GIT2: variants seen among roughly 807,000 people sequenced by gnomAD.
GIT2 encodes GIT ArfGAP 2, also known as ARF GTPase-activating protein GIT2.
A neutral mutation model predicts 100.3 loss-of-function variants in GIT2; 32 were observed. The observed-to-expected ratio is 0.32, with a 90% CI of 0.24 to 0.43. The LOEUF (loss-of-function observed/expected upper bound fraction) is 0.43, where lower values mean the gene tolerates loss of function less well. GIT2 is among the 20% of genes least tolerant of loss of function. The pLI is 1.00. For synonymous variants in GIT2, 353 were observed against 364.1 expected (o/e 0.97, Z 0.35); for missense variants, 737 against 975.1 (o/e 0.76, Z 3.25).
chr12:109,947,334 A>T lies in GIT2; in HGVS notation c.1563T>A (p.Gly521=). The T allele has an allele frequency of 6.2e-7, 1 of 1,614,052 alleles. No homozygotes were observed. The highest frequency in any genetic ancestry group is 1.1e-5 in the South Asian group (1 of 91,076). The change falls in exon 15 of 20, where the codon GGT becomes GGA. Residue 521 remains glycine, a synonymous_variant. Coordinates refer to ENST00000355312, the MANE Select transcript of GIT2 (RefSeq NM_057169.5). The surrounding 1 kb of genome is among the most constrained non-coding windows in gnomAD (Gnocchi z 4.3). The stretch of plus-strand genomic sequence containing the variant: ...CTCCCATTGGGAGATATGGTTTCTG[A>T]CCTGATCCGGTCTCGTACATGGACA... ...RPMSMYETGS[G]QKPYLPMGEA...
At chr12:109,999,815 G>T, upstream of GIT2, 1 of 1,504,712 alleles carries the variant, frequency 6.6e-7, no homozygotes, top group South Asian at 1.2e-5. This position sits in a 1 kb window ranked among gnomAD's most constrained non-coding sequence, Gnocchi z 4.3. Flanking sequence ...CCGTCTCCCG[G>T]TGGGGACTTC....
chr12:109,956,158 C>G (rs930813818), intron 12 of GIT2, among the ~76,000 whole-genome samples: 2 of 152,140 alleles, frequency 1.3e-5, no homozygotes, highest in African/African-American at 2.4e-5. Flanking sequence ...TCTCGAACTC[C>G]TGACCTCGTG....
chr12:109,996,332 C>T lies in GIT2; in HGVS notation c.-108G>A, dbSNP rs1889423487. On this transcript the variant is annotated 5_prime_UTR_variant, in exon 1 of 20. Transcript: ENST00000355312. ...GTCCCAGCTGCGGCGGCGCTGACGGCGGCGCCTCTCCCCTCAGCGCCTTGC... is the reference window on the plus strand; with the variant it reads ...GTCCCAGCTGCGGCGGCGCTGACGGTGGCGCCTCTCCCCTCAGCGCCTTGC... 4.1e-6 allele frequency: 3 copies of T among 731,980 alleles called. No homozygotes were observed. Among genetic ancestry groups the T allele is most frequent in the Admixed American group, 3.1e-5 (1 of 32,038 alleles). 45.3% of individuals were successfully genotyped at this position (731,980 alleles called of 1,614,324 possible).
intron 1 of GIT2, among the ~76,000 whole-genome samples, chr12:109,993,950 A>G (rs1451683345): frequency 1.3e-5 from 2 of 152,134 alleles, no homozygotes; most frequent in African/African-American, 4.8e-5. Flanking sequence ...AATTCAATTT[A>G]GTATAACTCT....
chr12:109,958,901 A>C (rs1173908295), intron 12 of GIT2, among the ~76,000 whole-genome samples: 1 of 152,230 alleles, frequency 6.6e-6, no homozygotes, highest in Non-Finnish European at 1.5e-5. Flanking sequence ...TCAACAGGGC[A>C]CTGGTGAAAC....
In GIT2 at chr12:109,938,424, G is replaced by A. The variant is rs1873653077; in HGVS notation, c.1959C>T (p.Asn653=). Residue 653 remains asparagine (N), a synonymous_variant, in exon 18 of 20, where the codon AAC becomes AAT. Transcript: ENST00000355312. The part of the protein sequence containing the change: ...VIRKTEQITK[N]IQELLRAAQE... ...GGGCTGCTCTTAAGAGCTCCTGTAT[G>A]TTTTTGGTGATCTGTTCAGTCTTCC... 4 of 1,613,894 alleles carry A rather than the reference G, an allele frequency of 2.5e-6. No individual in the cohort carries two copies. The highest frequency in any genetic ancestry group is 3.4e-6 in the Non-Finnish European group (4 of 1,179,950).
At position 109,938,496 on chromosome 12, in the gene GIT2, G is replaced by C; in HGVS notation, c.1887C>G (p.Pro629=). ...GGAGAGTGGGGCTTGGGGCCACATG[G>C]GGTTCTGCTGTGTCTGGTACCAAGC... ...GDGLVPDTAE[P]HVAPSPTLPS... is the part of the protein sequence containing the mutation. Residue 629 remains proline (P), a synonymous_variant, in exon 18 of 20, where the codon CCC becomes CCG. Coordinates refer to ENST00000355312, the MANE Select transcript of GIT2 (RefSeq NM_057169.5). 1 of 1,613,698 alleles carries C rather than the reference G, an allele frequency of 6.2e-7. No individual in the cohort carries two copies. Among genetic ancestry groups the C allele is most frequent in the Non-Finnish European group, 8.5e-7 (1 of 1,179,672 alleles).
chr12:109,961,423 CACTGCTCCTGGGAG>C (rs1881038576), intron 10 of GIT2, 48 bp from the exon 11 acceptor site: 1 of 1,223,532 alleles, frequency 8.2e-7, no homozygotes. Flanking sequence ...GCCTGTGTGC[CACTGCTCCTGGGAG>C]GCACAGCTCA....
intron 13 of GIT2, chr12:109,952,540 C>A (rs1192973454): frequency 1.9e-6 from 1 of 518,962 alleles, no homozygotes; most frequent in Non-Finnish European, 3.8e-6. Flanking sequence ...GAGTCCCAAC[C>A]TTTTTAGGCT....
chr12:109,997,929 A>G (rs1400047069), upstream of GIT2: 1 of 152,222 alleles, frequency 6.6e-6, no homozygotes, highest in Admixed American at 6.5e-5. Context: ...TCTGTCTTAC[A>G]TATAAACACA....
upstream of GIT2, chr12:109,999,442 G>A (rs1438352981): frequency 1.4e-5 from 3 of 222,180 alleles, no homozygotes; most frequent in East Asian, 3.0e-4. The surrounding 1 kb of genome is among the most constrained non-coding windows in gnomAD (Gnocchi z 4.3). Context: ...AAGTCTGTCC[G>A]CGAGCTGTCA....
chr12:109,961,170 T>C, intron 11 of GIT2, 108 bp downstream of exon 11: 1 of 668,764 alleles, frequency 1.5e-6, no homozygotes, highest in Non-Finnish European at 2.7e-6. Context: ...GTATAAAGGA[T>C]ATTAAATTTT....
intron 16 of GIT2, chr12:109,940,312 C>A (rs1414545145): frequency 2.6e-5 from 4 of 152,198 alleles, no homozygotes; most frequent in Non-Finnish European, 4.4e-5. Flanking sequence ...ATTTATTTCA[C>A]CCATAATGCT....
chr12:109,992,348 T>C (rs989839398), intron 1 of GIT2, among the ~76,000 whole-genome samples: 3 of 151,972 alleles, frequency 2.0e-5, no homozygotes, highest in African/African-American at 7.3e-5. Flanking sequence ...GGATTCATCA[T>C]GTTGGTCAGG....
At position 109,933,164 on chromosome 12, in the gene GIT2, A is replaced by C; in HGVS notation, c.2094T>G (p.Thr698=). The part of the protein sequence containing the change: ...PKKPKSDMVR[T]SLRLLTSSAY... ...CACTGGACGTCAGTAAACGAAGGGAAGTCCTCACCATATCAGACTTGGGTT... is the reference window on the plus strand; with the variant it reads ...CACTGGACGTCAGTAAACGAAGGGACGTCCTCACCATATCAGACTTGGGTT... The change falls in exon 20 of 20, where the codon ACT becomes ACG. Residue 698 remains threonine (T), a synonymous_variant. Coordinates refer to ENST00000355312, the MANE Select transcript of GIT2 (RefSeq NM_057169.5). This position sits in a 1 kb window ranked among gnomAD's most constrained non-coding sequence, Gnocchi z 4.5. The C allele has an allele frequency of 6.4e-7, 1 of 1,570,632 alleles. No individual in the cohort carries two copies. The highest frequency in any genetic ancestry group is 2.3e-5 in the East Asian group (1 of 42,692).
At chr12:109,945,993 G>A (rs953452991) in intron 15 of GIT2, among the ~76,000 whole-genome samples, 2 of 152,028 alleles carry the variant, frequency 1.3e-5, no homozygotes, top group African/African-American at 4.8e-5. Flanking sequence ...AATTAGCCAG[G>A]CACAGGACCA....
chr12:109,976,518 T>G (rs1387120568), intron 7 of GIT2, among the ~76,000 whole-genome samples: 1 of 151,756 alleles, frequency 6.6e-6, no homozygotes, highest in Non-Finnish European at 1.5e-5. Context: ...TCTCCTGACC[T>G]CGTGATCTGC....
chr12:109,971,763 T>TG (rs1267483146), intron 7 of GIT2, among the ~76,000 whole-genome samples: 1 of 151,200 alleles, frequency 6.6e-6, no homozygotes, highest in East Asian at 2.0e-4. Context: ...GAGGCCAAGG[T>TG]GGGTGGATCA....
At chr12:109,999,638 G>C (rs1889835130), upstream of GIT2, 2 of 1,444,574 alleles carry the variant, frequency 1.4e-6, no homozygotes, top group African/African-American at 1.5e-5. The surrounding 1 kb of genome is among the most constrained non-coding windows in gnomAD (Gnocchi z 4.3). Context: ...AGACCCCGCC[G>C]GGGCCGAGAC....
Sources: gnomAD v4.1 joint callset for allele counts (sites outside exome capture counted in the v4.1 genomes callset) on GRCh38, gnomAD v4.1.1 for gene constraint, Gnocchi (gnomAD v3.1) non-coding constraint, MANE v1.5 for transcripts, NCBI Gene and HGNC (gene_info 2026-07-23, HGNC 2026-07-21) for gene names.